Variants in ZEB2 observed in about 807,000 individuals in gnomAD.
ZEB2 encodes the protein zinc finger E-box-binding homeobox 2.
In ZEB2, 6 loss-of-function variants were observed where a neutral mutation model predicts 99.9. That is an observed-to-expected ratio of 0.06 (90% CI 0.03 to 0.12). The LOEUF (loss-of-function observed/expected upper bound fraction) is 0.12, where lower values mean the gene tolerates loss of function less well. Among genes scored for constraint, ZEB2 ranks in the 10% least tolerant of loss-of-function variants. The pLI is 1.00. For missense variants in ZEB2, 969 were observed against 1,502.8 expected, an observed-to-expected ratio of 0.64 and a Z score of 5.87; for synonymous variants, 517 against 542.5, an observed-to-expected ratio of 0.95 and a Z score of 0.65.
intron 2 of ZEB2, among the ~76,000 whole-genome samples, chr2:144,487,382 A>G (rs1363900342): frequency 6.6e-6 from 1 of 152,198 alleles, no homozygotes; most frequent in African/African-American, 2.4e-5. Flanking sequence ...ATATATACTT[A>G]TGATTGGTAA....
At chr2:144,451,674 T>G (rs2149900028) in intron 2 of ZEB2, among the ~76,000 whole-genome samples, 1 of 152,346 alleles carries the variant, frequency 6.6e-6, no homozygotes, top group Non-Finnish European at 1.5e-5. Flanking sequence ...CCCATTGCAG[T>G]TTCAACAGTG....
chr2:144,401,420 A>G (rs1380739170), intron 6 of ZEB2, 113 bp from the exon 7 acceptor site: 5 of 914,230 alleles, frequency 5.5e-6, no homozygotes, highest in Non-Finnish European at 7.2e-6. Flanking sequence ...GTTTGAGTGC[A>G]TGCTTATTTA....
At chr2:144,474,622 C>G (rs947879108) in intron 2 of ZEB2, among the ~76,000 whole-genome samples, 4 of 152,094 alleles carry the variant, frequency 2.6e-5, no homozygotes, top group Non-Finnish European at 5.9e-5. Flanking sequence ...TAAAAGAGTA[C>G]TACGTAATAA....
intron 2 of ZEB2, among the ~76,000 whole-genome samples, chr2:144,515,103 G>A (rs912055690): frequency 1.3e-5 from 2 of 152,132 alleles, no homozygotes; most frequent in African/African-American, 4.8e-5. Context: ...GAAGGAGGTG[G>A]AAGGAGGAAG....
intron 2 of ZEB2, among the ~76,000 whole-genome samples, chr2:144,508,268 C>T (rs776762064): frequency 3.3e-5 from 5 of 151,962 alleles, no homozygotes; most frequent in African/African-American, 7.3e-5. Flanking sequence ...ATAGGATTCA[C>T]GGATCTGGGA....
At chr2:144,470,978 CAT>C (rs138088269) in intron 2 of ZEB2, among the ~76,000 whole-genome samples, 34 of 152,264 alleles carry the variant, frequency 2.2e-4, no homozygotes, top group African/African-American at 6.3e-4. Context: ...ATAACTCTCA[CAT>C]GTTTCGGTTC....
At chr2:144,402,333 G>A (rs566444445) in intron 6 of ZEB2, among the ~76,000 whole-genome samples, 1 of 152,136 alleles carries the variant, frequency 6.6e-6, no homozygotes, top group Non-Finnish European at 1.5e-5. Context: ...AGGGTGTGCT[G>A]AATCTTCCCA....
intron 2 of ZEB2, among the ~76,000 whole-genome samples, chr2:144,470,947 G>A (rs1335105576): frequency 3.3e-5 from 5 of 152,064 alleles, no homozygotes; most frequent in African/African-American, 1.2e-4. Flanking sequence ...ATATCATCAT[G>A]TTTTTTCAAG....
chr2:144,479,157 C>A (rs541642758), intron 2 of ZEB2, among the ~76,000 whole-genome samples: 1 of 152,238 alleles, frequency 6.6e-6, no homozygotes, highest in South Asian at 2.1e-4. Flanking sequence ...TTTTCTTTTG[C>A]TAAATTTTTA....
chr2:144,423,926 G>A (rs754237137), intron 4 of ZEB2, among the ~76,000 whole-genome samples: 7 of 149,034 alleles, frequency 4.7e-5, no homozygotes, highest in Non-Finnish European at 1.0e-4. Context: ...TTTTTTTTTT[G>A]TTTTATTTTG....
At position 144,474,625 on chromosome 2, in the gene ZEB2, C is replaced by T. The variant is rs145440296; in HGVS notation, c.73+42653G>A. On this transcript the variant is annotated intron_variant, in intron 2 of 9. Transcript: ENST00000627532. ...ATTCACGGGTCTTAAAAGAGTACTA[C>T]GTAATAACTGAGGATTCTGATCTGG... is the stretch of plus-strand genomic sequence containing the variant. 1.2e-3 allele frequency among the ~76,000 whole-genome samples: 186 copies of T among 152,252 alleles called. 1 individual carries two copies. The highest frequency in any genetic ancestry group is 6.8e-3 in the Middle Eastern group (2 of 294).
chr2:144,394,223 A>C, intron 9 of ZEB2, among the ~76,000 whole-genome samples: 1 of 152,194 alleles, frequency 6.6e-6, no homozygotes, highest in East Asian at 1.9e-4. Flanking sequence ...ATCAGGCCTG[A>C]AGTTTATTTT....
chr2:144,498,748 A>G (rs944804733), intron 2 of ZEB2, among the ~76,000 whole-genome samples: 1 of 152,170 alleles, frequency 6.6e-6, no homozygotes, highest in African/African-American at 2.4e-5. Context: ...CCTAAAAATG[A>G]TCAGGAAGGG....
intron 2 of ZEB2, among the ~76,000 whole-genome samples, chr2:144,468,614 CACATGTGTGTGT>C (rs1255144556): frequency 6.6e-6 from 1 of 151,906 alleles, no homozygotes; most frequent in East Asian, 1.9e-4. Flanking sequence ...ATGGAGTTAG[CACATGTGTGTGT>C]GCATGTGTGT....
rs548583744 is a variant in ZEB2 at position 144,498,467 on chromosome 2, G to T, written c.73+18811C>A. ...AAGGAAATCCAGGAAGCCATTCTTT[G>T]ATGAAGTCTGCACCCACCCTCGCTG... On this transcript the variant is annotated intron_variant, in intron 2 of 9. Coordinates refer to ENST00000627532, the MANE Select transcript of ZEB2 (RefSeq NM_014795.4). Among the ~76,000 whole-genome samples, 4 of 152,004 alleles carry T rather than the reference G, an allele frequency of 2.6e-5. No individual in the cohort carries two copies. In the South Asian group the frequency reaches 8.3e-4, roughly 32 times the overall value.
intron 2 of ZEB2, among the ~76,000 whole-genome samples, chr2:144,453,692 C>T (rs1436362553): frequency 1.3e-5 from 2 of 152,078 alleles, no homozygotes; most frequent in East Asian, 1.9e-4. Context: ...GGTCAAACTC[C>T]GGCACCCCCT....
At chr2:144,454,982 T>C (rs1231796074) in intron 2 of ZEB2, 2 of 152,168 alleles carry the variant, frequency 1.3e-5, no homozygotes, top group Non-Finnish European at 2.9e-5. Context: ...AAGATTTCAT[T>C]TGGTCCACAT....
intron 2 of ZEB2, 26 bp from the exon 3 acceptor site, chr2:144,430,052 C>T (rs1703749437): frequency 6.2e-7 from 1 of 1,609,820 alleles, no homozygotes; most frequent in African/African-American, 1.3e-5. Flanking sequence ...AAAACACACT[C>T]TCTAAACACT....
intron 2 of ZEB2, chr2:144,513,591 G>C: frequency 6.5e-7 from 1 of 1,528,854 alleles, no homozygotes; most frequent in African/African-American, 1.4e-5. Flanking sequence ...AGATTTTTCA[G>C]AGGCTGATGC....
Sources: allele counts gnomAD v4.1 joint callset (sites outside exome capture counted in the v4.1 genomes callset), GRCh38; gene constraint gnomAD v4.1.1; transcripts MANE v1.5; gene names NCBI Gene and HGNC (gene_info 2026-07-23, HGNC 2026-07-21).